The following TMEM132D variants were observed in gnomAD, a reference collection of about 807,000 sequenced individuals.
TMEM132D encodes transmembrane protein 132D.
TMEM132D carries 21 observed loss-of-function variants against 62.3 expected under a neutral mutation model. That is an observed-to-expected ratio of 0.34 (90% CI 0.24 to 0.49). The LOEUF (loss-of-function observed/expected upper bound fraction) is 0.49. TMEM132D is among the 20% of genes least tolerant of loss of function. The probability of loss-of-function intolerance (pLI) is 0.99; values close to 1 mark genes in which losing one functional copy is unlikely to be tolerated. For synonymous variants in TMEM132D, 621 were observed against 575.6 expected, an observed-to-expected ratio of 1.08 and a Z score of -1.13; for missense variants, 1,346 against 1,402.8, an observed-to-expected ratio of 0.96 and a Z score of 0.65.
chr12:129,790,636 C>A (rs895409575), intron 1 of TMEM132D, among the ~76,000 whole-genome samples: 1 of 152,106 alleles, frequency 6.6e-6, no homozygotes. Flanking sequence ...GGGGGCAGGG[C>A]AGGCCATGGG....
intron 3 of TMEM132D, among the ~76,000 whole-genome samples, chr12:129,507,112 A>T (rs1338020011): frequency 6.6e-6 from 1 of 152,252 alleles, no homozygotes; most frequent in East Asian, 1.9e-4. Flanking sequence ...AAAAATGCTC[A>T]ACATCACAAA....
At chr12:129,552,874 T>A (rs188983382) in intron 2 of TMEM132D, among the ~76,000 whole-genome samples, 1 of 152,348 alleles carries the variant, frequency 6.6e-6, no homozygotes, top group Non-Finnish European at 1.5e-5. Context: ...TACCTATCTA[T>A]TTATCGATCA....
chr12:129,328,899 T>C (rs1869009218), intron 4 of TMEM132D, among the ~76,000 whole-genome samples: 1 of 151,840 alleles, frequency 6.6e-6, no homozygotes, highest in Admixed American at 6.6e-5. Flanking sequence ...TGTGGCCTCA[T>C]CCATCTGTGA....
At chr12:129,496,704 A>G (rs1403484832) in intron 3 of TMEM132D, among the ~76,000 whole-genome samples, 1 of 152,008 alleles carries the variant, frequency 6.6e-6, no homozygotes, top group African/African-American at 2.4e-5. Context: ...CCACCAGGAG[A>G]GAGAAATAAA....
chr12:129,708,211 C>T (rs1190031782), intron 1 of TMEM132D, among the ~76,000 whole-genome samples: 4 of 151,918 alleles, frequency 2.6e-5, no homozygotes, highest in East Asian at 1.9e-4. Context: ...AGCAAGACCT[C>T]GTCTCAAAAA....
At chr12:129,888,139 T>G (rs1042941511) in intron 1 of TMEM132D, among the ~76,000 whole-genome samples, 1 of 152,260 alleles carries the variant, frequency 6.6e-6, no homozygotes, top group African/African-American at 2.4e-5. Flanking sequence ...TTTTGATGCT[T>G]GCTTTTAACA....
intron 5 of TMEM132D, among the ~76,000 whole-genome samples, chr12:129,184,167 A>T (rs2135552595): frequency 6.6e-6 from 1 of 152,294 alleles, no homozygotes; most frequent in South Asian, 2.1e-4. Flanking sequence ...GTTTCCGTTA[A>T]GACAACATCT....
chr12:129,790,301 T>C (rs11060555), intron 1 of TMEM132D, among the ~76,000 whole-genome samples: 1 of 152,168 alleles, frequency 6.6e-6, no homozygotes, highest in African/African-American at 2.4e-5. Flanking sequence ...AAGGGTCAAG[T>C]GTGGCAGTCT....
chr12:129,484,301 G>A (rs979133655), intron 3 of TMEM132D, among the ~76,000 whole-genome samples: 4 of 152,104 alleles, frequency 2.6e-5, no homozygotes, highest in Non-Finnish European at 5.9e-5. Context: ...AAAATCTTGG[G>A]CACTTGCTTT....
At chr12:129,537,158 T>TAAAAAAAAAAAAAAAA (rs10635477) in intron 2 of TMEM132D, among the ~76,000 whole-genome samples, 5 of 114,348 alleles carry the variant, frequency 4.4e-5, no homozygotes, top group African/African-American at 1.7e-4. Context: ...AAACTCTGTC[T>TAAAAAAAAAAAAAAAA]AAAAAAAAAA....
At chr12:129,172,642 G>A (rs1877769526) in intron 5 of TMEM132D, among the ~76,000 whole-genome samples, 1 of 152,146 alleles carries the variant, frequency 6.6e-6, no homozygotes, top group Non-Finnish European at 1.5e-5. Flanking sequence ...GCAATGGTGA[G>A]ATCTTGGCTC....
chr12:129,155,864 T>C (rs1877224805), intron 5 of TMEM132D, among the ~76,000 whole-genome samples: 1 of 151,822 alleles, frequency 6.6e-6, no homozygotes, highest in South Asian at 2.1e-4. Context: ...ACACTCCCAA[T>C]ATAATGAATC....
chr12:129,782,248 G>A (rs955676811), intron 1 of TMEM132D, among the ~76,000 whole-genome samples: 3 of 152,144 alleles, frequency 2.0e-5, no homozygotes, highest in South Asian at 2.1e-4. Flanking sequence ...GCACCACGTC[G>A]GCACTCAAGA....
At chr12:129,081,625 A>G in intron 7 of TMEM132D, 134 bp downstream of exon 7, 2 of 1,322,242 alleles carry the variant, frequency 1.5e-6, no homozygotes, top group Non-Finnish European at 1.0e-6. Context: ...TTACTCCACA[A>G]TTTCTTTGAA....
At chr12:129,798,564 C>G (rs766558420) in intron 1 of TMEM132D, among the ~76,000 whole-genome samples, 4 of 152,140 alleles carry the variant, frequency 2.6e-5, no homozygotes, top group South Asian at 2.1e-4. Context: ...CTACCATACA[C>G]TAATCTAATG....
rs564775938 is a variant in TMEM132D at position 129,874,188 on chromosome 12, G to C, written c.79+29073C>G. ...ACCACAAAATACGATAAATATGTGAGGTAATGCATATGATAAATAGCTTGA... is the reference window on the plus strand; with the variant it reads ...ACCACAAAATACGATAAATATGTGACGTAATGCATATGATAAATAGCTTGA... On this transcript the variant is annotated intron_variant, in intron 1 of 8. Transcript: ENST00000422113. Among the ~76,000 whole-genome samples, 4 of 152,162 alleles carry C rather than the reference G, an allele frequency of 2.6e-5. No homozygotes were observed. In the South Asian group the frequency reaches 8.3e-4, roughly 32 times the overall value.
chr12:129,859,134 G>A (rs1003386091), intron 1 of TMEM132D, among the ~76,000 whole-genome samples: 1 of 152,186 alleles, frequency 6.6e-6, no homozygotes, highest in Non-Finnish European at 1.5e-5. Flanking sequence ...CACCACGTGA[G>A]GACACGGTGA....
intron 3 of TMEM132D, among the ~76,000 whole-genome samples, chr12:129,409,664 TA>T: frequency 6.6e-6 from 1 of 152,172 alleles, no homozygotes; most frequent in Non-Finnish European, 1.5e-5. Flanking sequence ...ATAAAATAAA[TA>T]AAAGCATTTC....
chr12:129,167,350 G>T (rs1432428445), intron 5 of TMEM132D, among the ~76,000 whole-genome samples: 1 of 152,058 alleles, frequency 6.6e-6, no homozygotes, highest in Non-Finnish European at 1.5e-5. Flanking sequence ...CAGAAACGTC[G>T]ATTTGCTAGA....
Sources: allele counts gnomAD v4.1 joint callset (sites outside exome capture counted in the v4.1 genomes callset), GRCh38; gene constraint gnomAD v4.1.1; transcripts MANE v1.5; gene names NCBI Gene and HGNC (gene_info 2026-07-23, HGNC 2026-07-21).